Variants in PCDHA7 observed in about 807,000 individuals in gnomAD.
PCDHA7 encodes protocadherin alpha-7.
PCDHA7 carries 37 observed loss-of-function variants against 57.2 expected under a neutral mutation model. The ratio of observed to expected loss-of-function variants is 0.65; its 90% CI spans 0.50 to 0.85. The LOEUF (loss-of-function observed/expected upper bound fraction) is 0.85, where lower values mean the gene tolerates loss of function less well. PCDHA7 is among the 40% of genes least tolerant of loss of function. The pLI is 0.00. For synonymous variants in PCDHA7, 553 were observed against 558.8 expected, an observed-to-expected ratio of 0.99 and a Z score of 0.15; for missense variants, 1,188 against 1,241.8, an observed-to-expected ratio of 0.96 and a Z score of 0.65.
chr5:140,978,061 A>G (rs1307101965), intron 1 of PCDHA7, among the ~76,000 whole-genome samples: 1 of 152,202 alleles, frequency 6.6e-6, no homozygotes, highest in Non-Finnish European at 1.5e-5. Flanking sequence ...ATGATGTCCC[A>G]GTGATTTCTG....
chr5:140,921,694 A>G (rs1251407999), intron 1 of PCDHA7, among the ~76,000 whole-genome samples: 1 of 152,200 alleles, frequency 6.6e-6, no homozygotes, highest in Non-Finnish European at 1.5e-5. Context: ...TGGCCACCTC[A>G]ATTTTAAACA....
At chr5:140,848,251 T>C (rs1419799302) in intron 1 of PCDHA7, 3 of 465,726 alleles carry the variant, frequency 6.4e-6, no homozygotes, top group Non-Finnish European at 1.1e-5. Flanking sequence ...GCAGAATAAC[T>C]GTGAAATTTT....
At chr5:140,958,192 C>G (rs1554223363) in intron 1 of PCDHA7, among the ~76,000 whole-genome samples, 1 of 151,790 alleles carries the variant, frequency 6.6e-6, no homozygotes, top group Non-Finnish European at 1.5e-5. Context: ...TGTTACTGGT[C>G]TAGTATACAA....
At chr5:140,944,839 G>C (rs1449491788) in intron 1 of PCDHA7, among the ~76,000 whole-genome samples, 3 of 152,130 alleles carry the variant, frequency 2.0e-5, no homozygotes, top group African/African-American at 7.2e-5. Flanking sequence ...TGTAAAATGA[G>C]ATATTAGAAT....
chr5:140,913,100 A>G (rs2076204390), intron 1 of PCDHA7, among the ~76,000 whole-genome samples: 1 of 152,186 alleles, frequency 6.6e-6, no homozygotes, highest in Non-Finnish European at 1.5e-5. Flanking sequence ...TACTGGCCTC[A>G]TAGAATCAGT....
At chr5:140,933,265 A>G (rs2088994304) in intron 1 of PCDHA7, among the ~76,000 whole-genome samples, 1 of 152,000 alleles carries the variant, frequency 6.6e-6, no homozygotes, top group East Asian at 1.9e-4. Context: ...AGGTTATTAT[A>G]TATTCATTTG....
chr5:140,849,576 G>A (rs2150441030), intron 1 of PCDHA7: 3 of 1,598,698 alleles, frequency 1.9e-6, no homozygotes, highest in Non-Finnish European at 2.6e-6. Flanking sequence ...TCCTGTAAAA[G>A]AGGACGCACA....
At chr5:140,875,580 C>G (rs1381718234) in intron 1 of PCDHA7, 7 of 1,613,958 alleles carry the variant, frequency 4.3e-6, no homozygotes, top group Admixed American at 1.7e-5. Context: ...ACTCCGTCTA[C>G]GAGGAGGCCA....
intron 1 of PCDHA7, chr5:140,842,577 C>A: frequency 6.6e-7 from 1 of 1,512,698 alleles, no homozygotes; most frequent in Non-Finnish European, 9.0e-7. Context: ...GAGAGAGTGT[C>A]GGCCTATGAG....
rs1774305055 is a variant in PCDHA7, at chr5:140,836,230, C to G, written c.1847C>G (p.Ala616Gly). Residue 616 changes from alanine to glycine, a missense_variant, in exon 1 of 4, where the codon GCC becomes GGC. This residue lies in a region of PCDHA7 where 892 missense variants were observed against 788.5 expected (regional missense o/e 1.13). Transcript: ENST00000525929. ...TCGTATGAGTTGCAACCGGTGGCGG[C>G]CGGTGCGAGCATCCCGTTCCGCGTG... ...WLSYELQPVA[A>G]GASIPFRVGL... The G allele has an allele frequency of 6.2e-7, 1 of 1,613,786 alleles. No individual in the cohort carries two copies. Among genetic ancestry groups the G allele is most frequent in the Admixed American group, 1.7e-5 (1 of 60,018 alleles).
chr5:140,966,707 A>C, intron 1 of PCDHA7: 1 of 1,379,868 alleles, frequency 7.2e-7, no homozygotes, highest in Non-Finnish European at 9.3e-7. Context: ...GGCGTGGGGC[A>C]CGGCTGGGGA....
At chr5:140,982,679 C>A in intron 3 of PCDHA7, 116 bp downstream of exon 3, 2 of 1,436,546 alleles carry the variant, frequency 1.4e-6, no homozygotes, top group Non-Finnish European at 9.2e-7. Flanking sequence ...TTGTTATTCC[C>A]TTTTTTCCAT....
Position 140,851,565 on chromosome 5 carries a change from G to T in PCDHA7, c.2355+14827G>T, listed in dbSNP as rs558874725. Reference sequence around the variant, plus strand: ...TTCAAGAAATGTTGACTGAAATTTTGTCTACACTTAGAACATTTTTTGAAA... The same window carrying T: ...TTCAAGAAATGTTGACTGAAATTTTTTCTACACTTAGAACATTTTTTGAAA... On this transcript the variant is annotated intron_variant, in intron 1 of 3. Transcript: ENST00000525929. The T allele has an allele frequency of 3.3e-6, 3 of 908,000 alleles. No homozygotes were observed. In the African/African-American group the frequency reaches 5.4e-5, roughly 16 times the overall value. 56.2% of individuals were successfully genotyped at this position (908,000 alleles called of 1,614,324 possible).
chr5:140,887,525 TC>T (rs552124664), intron 1 of PCDHA7, among the ~76,000 whole-genome samples: 1 of 152,154 alleles, frequency 6.6e-6, no homozygotes, highest in South Asian at 2.1e-4. Context: ...TATATATGAG[TC>T]TTCCTCTCCC....
chr5:140,978,701 G>A (rs1240672824), intron 1 of PCDHA7, among the ~76,000 whole-genome samples: 1 of 152,236 alleles, frequency 6.6e-6, no homozygotes, highest in African/African-American at 2.4e-5. Context: ...AAAGCCAAAG[G>A]TGGCCTTTAC....
chr5:140,982,633 A>G (rs2096992474), intron 3 of PCDHA7, 70 bp downstream of exon 3: 1 of 1,557,590 alleles, frequency 6.4e-7, no homozygotes, highest in Non-Finnish European at 8.7e-7. Flanking sequence ...CTTTTGTAAG[A>G]TCAGGAATGT....
At chr5:140,871,662 A>G in intron 1 of PCDHA7, 1 of 1,211,512 alleles carries the variant, frequency 8.3e-7, no homozygotes, top group Non-Finnish European at 1.1e-6. Context: ...ACACATCTTC[A>G]GTCTTTTAAT....
intron 1 of PCDHA7, chr5:140,881,522 A>G: frequency 5.1e-6 from 1 of 196,850 alleles, no homozygotes; most frequent in South Asian, 1.8e-4. Context: ...AAAATCCCAC[A>G]CATATTGACT....
intron 3 of PCDHA7, among the ~76,000 whole-genome samples, chr5:141,002,612 C>G (rs1487847560): frequency 1.3e-5 from 2 of 152,178 alleles, no homozygotes; most frequent in Non-Finnish European, 2.9e-5. Context: ...AAAACAGACA[C>G]ATAACACAGA....
Sources: gnomAD v4.1 joint callset for allele counts (sites outside exome capture counted in the v4.1 genomes callset) on GRCh38, gnomAD v4.1.1 for gene constraint, gnomAD v4.1.1 regional missense constraint, MANE v1.5 for transcripts, NCBI Gene and HGNC (gene_info 2026-07-23, HGNC 2026-07-21) for gene names.